The following MYLK variants were observed in gnomAD, a reference collection of about 807,000 sequenced individuals.
The protein encoded by MYLK is myosin light chain kinase.
In MYLK, 106 loss-of-function variants were observed where a neutral mutation model predicts 203.4. The observed-to-expected ratio is 0.52, with a 90% CI of 0.45 to 0.61. The LOEUF (loss-of-function observed/expected upper bound fraction) is 0.61, where lower values mean the gene tolerates loss of function less well. Among genes scored for constraint, MYLK ranks in the 20% least tolerant of loss-of-function variants. The pLI, the probability that MYLK is intolerant of heterozygous loss-of-function variation, is 0.00. For synonymous variants in MYLK, 867 were observed against 959.5 expected, an observed-to-expected ratio of 0.90 and a Z score of 1.78; for missense variants, 2,072 against 2,442.3, an observed-to-expected ratio of 0.85 and a Z score of 3.20.
At chr3:123,826,504 C>T (rs1464341918) in intron 3 of MYLK, among the ~76,000 whole-genome samples, 1 of 152,222 alleles carries the variant, frequency 6.6e-6, no homozygotes, top group African/African-American at 2.4e-5. Context: ...CCCCAGCAAA[C>T]ACAACCTGAG....
chr3:123,855,359 A>G (rs1242683666), intron 2 of MYLK, among the ~76,000 whole-genome samples: 1 of 152,188 alleles, frequency 6.6e-6, no homozygotes, highest in Non-Finnish European at 1.5e-5. Context: ...TCATGCTTCA[A>G]TGGTAACCAG....
Position 123,666,345 on chromosome 3 carries a change from T to G in MYLK, c.3705A>C (p.Ala1235=), listed in dbSNP as rs563569935. ...GGAACTGGATGATCTGAGGGGGCAT[T>G]GCTGAGGGAGGACAGGGAGAAAGTG... is the stretch of plus-strand genomic sequence containing the variant. ...KPAPKTPPKA[A]MPPQIIQFPE... The change falls in exon 22 of 34, where the codon GCA becomes GCC. Residue 1235 remains alanine, a splice_region_variant and synonymous_variant. Coordinates refer to ENST00000360304, the MANE Select transcript of MYLK (RefSeq NM_053025.4). The G allele has an allele frequency of 7.4e-6, 12 of 1,614,184 alleles. No individual in the cohort carries two copies. In the East Asian group the frequency reaches 2.5e-4, roughly 33 times the overall value.
intron 28 of MYLK, chr3:123,638,664 C>T: frequency 1.4e-6 from 1 of 736,728 alleles, no homozygotes; most frequent in Non-Finnish European, 1.7e-6. Context: ...GTGATTTCCC[C>T]ACCCGGTTAA....
intron 13 of MYLK, among the ~76,000 whole-genome samples, chr3:123,717,280 T>G (rs1408696835): frequency 6.6e-6 from 1 of 152,248 alleles, no homozygotes; most frequent in Non-Finnish European, 1.5e-5. Context: ...GGTATTAATC[T>G]GAAAACAAAC....
At chr3:123,643,360 C>A (rs545569678) in intron 27 of MYLK, among the ~76,000 whole-genome samples, 1 of 151,994 alleles carries the variant, frequency 6.6e-6, no homozygotes, top group South Asian at 2.1e-4. Context: ...GTTTTCAATG[C>A]CCTTGGGAAT....
chr3:123,739,845 T>C (rs1239975712), intron 6 of MYLK, 108 bp downstream of exon 6: 1 of 1,218,776 alleles, frequency 8.2e-7, no homozygotes, highest in Non-Finnish European at 1.2e-6. Flanking sequence ...TCCCGCCCTT[T>C]GGTTATTATA....
In MYLK at chr3:123,700,415, T is replaced by C. The variant is rs1355112098; in HGVS notation, c.3053A>G (p.Gln1018Arg). The C allele has an allele frequency of 8.7e-6, 14 of 1,612,992 alleles. No homozygotes were observed. The highest frequency in any genetic ancestry group is 1.3e-5 in the African/African-American group (1 of 74,728). Residue 1018 changes from glutamine (Q) to arginine (R), a missense_variant, in exon 18 of 34, where the codon CAG becomes CGG. By Grantham distance (43) the Gln-to-Arg change is conservative (BLOSUM62 1). Around this residue, in one of 3 missense-constraint regions of MYLK, gnomAD observed 865 missense variants for 1,016.0 expected, o/e 0.85. Coordinates refer to ENST00000360304, the MANE Select transcript of MYLK (RefSeq NM_053025.4). ...CACGGGTTTCAAGGGCCCTGAAGGCTGTGCATTGCTCAGGGGCTTGGAACT... is the reference window on the plus strand; with the variant it reads ...CACGGGTTTCAAGGGCCCTGAAGGCCGTGCATTGCTCAGGGGCTTGGAACT... ...VESSKPLSNAQPSGPLKPVGN... is the reference protein window; with the variant it reads ...VESSKPLSNARPSGPLKPVGN...
chr3:123,692,741 C>T lies in MYLK; in HGVS notation c.3559G>A (p.Val1187Met), dbSNP rs1033357973. ...GQAECSCQVTVDDAPASENTK... is the reference protein window; with the variant it reads ...GQAECSCQVTMDDAPASENTK... ...ATGGGTGGGCACGACCTACCATCCACGGTGACTTGGCAGGAGCACTCCGCC... is the reference window on the plus strand; with the variant it reads ...ATGGGTGGGCACGACCTACCATCCATGGTGACTTGGCAGGAGCACTCCGCC... The change falls in exon 19 of 34, where the codon GTG becomes ATG. Residue 1187 changes from valine to methionine, a missense_variant. This residue lies in a region of MYLK where 865 missense variants were observed against 1,016.0 expected (regional missense o/e 0.85). Coordinates refer to ENST00000360304, the MANE Select transcript of MYLK (RefSeq NM_053025.4). The T allele has an allele frequency of 5.6e-6, 9 of 1,613,186 alleles. No homozygotes were observed. The East Asian group carries it at 6.7e-5, about 12-fold the overall frequency.
At position 123,647,301 on chromosome 3, in the gene MYLK, G is replaced by A; in HGVS notation, c.4542C>T (p.Asn1514=). The A allele has an allele frequency of 6.2e-7, 1 of 1,614,250 alleles. No individual in the cohort carries two copies. Among genetic ancestry groups the A allele is most frequent in the Non-Finnish European group, 8.5e-7 (1 of 1,180,042 alleles). The change falls in exon 27 of 34, where the codon AAC becomes AAT. Residue 1514 remains asparagine (N), a synonymous_variant. Coordinates refer to ENST00000360304, the MANE Select transcript of MYLK (RefSeq NM_053025.4). ...GGACCAGCTTAGGGTGGTGGAGGCA[G>A]TTCATGATGCTAATCTCCTGCCGGA... ...ENIRQEISIM[N]CLHHPKLVQC...
chr3:123,818,390 T>C (rs1577060429), intron 3 of MYLK, among the ~76,000 whole-genome samples: 2 of 152,178 alleles, frequency 1.3e-5, no homozygotes, highest in African/African-American at 2.4e-5. Context: ...CCTCTTGCTA[T>C]GACTCTGAGG....
At chr3:123,707,402 T>G (rs1306909138) in intron 16 of MYLK, among the ~76,000 whole-genome samples, 1 of 152,224 alleles carries the variant, frequency 6.6e-6, no homozygotes, top group Non-Finnish European at 1.5e-5. Context: ...TCAGGGTAAT[T>G]TGTTACACAG....
intron 4 of MYLK, among the ~76,000 whole-genome samples, chr3:123,793,016 A>G (rs1461209514): frequency 2.0e-5 from 3 of 152,072 alleles, no homozygotes; most frequent in Admixed American, 6.6e-5. Context: ...AGAATCATCC[A>G]CCTGACCCCC....
At chr3:123,723,908 A>G (rs937062138) in intron 12 of MYLK, among the ~76,000 whole-genome samples, 1 of 107,464 alleles carries the variant, frequency 9.3e-6, no homozygotes, top group Non-Finnish European at 1.9e-5. Flanking sequence ...CATATTTTAA[A>G]TGGCCGAAAA....
chr3:123,631,307 A>G (rs1214040088), intron 29 of MYLK, among the ~76,000 whole-genome samples: 2 of 151,826 alleles, frequency 1.3e-5, no homozygotes, highest in East Asian at 3.9e-4. Context: ...CTGAGGCAGG[A>G]GAATTGCTTG....
chr3:123,718,953 G>A (rs7645314), intron 13 of MYLK, among the ~76,000 whole-genome samples: 6,259 of 152,250 alleles, frequency 0.041, 430 homozygotes, highest in African/African-American at 0.14. Flanking sequence ...AATACTAGAA[G>A]CACACGGTGT....
chr3:123,825,851 T>C (rs1044859358), intron 3 of MYLK, among the ~76,000 whole-genome samples: 2 of 152,222 alleles, frequency 1.3e-5, no homozygotes, highest in African/African-American at 4.8e-5. Context: ...AATCTGCCAG[T>C]TCTGCCTGGG....
At chr3:123,742,442 G>A (rs2062881892) in intron 5 of MYLK, among the ~76,000 whole-genome samples, 1 of 152,054 alleles carries the variant, frequency 6.6e-6, no homozygotes, top group Non-Finnish European at 1.5e-5. Flanking sequence ...GGTACTCTGA[G>A]TAATTTTATT....
At chr3:123,784,835 G>A (rs767345112) in intron 4 of MYLK, among the ~76,000 whole-genome samples, 22 of 152,106 alleles carry the variant, frequency 1.4e-4, no homozygotes, top group Non-Finnish European at 2.2e-4. Context: ...ATGAGGGGGC[G>A]GACTGCAAGC....
chr3:123,831,150 A>C (rs1200657334), intron 3 of MYLK, among the ~76,000 whole-genome samples: 1 of 152,184 alleles, frequency 6.6e-6, no homozygotes, highest in Admixed American at 6.5e-5. Flanking sequence ...AATCAAAACC[A>C]GAGTTAGTCA....
Sources: gnomAD v4.1 joint callset for allele counts (sites outside exome capture counted in the v4.1 genomes callset) on GRCh38, gnomAD v4.1.1 for gene constraint, gnomAD v4.1.1 regional missense constraint, MANE v1.5 for transcripts, NCBI Gene and HGNC (gene_info 2026-07-23, HGNC 2026-07-21) for gene names.